The following CCDC148 variants were observed in gnomAD, a reference collection of about 807,000 sequenced individuals.
The protein encoded by CCDC148 is coiled-coil domain-containing protein 148.
A neutral mutation model predicts 85.7 loss-of-function variants in CCDC148; 89 were observed. The ratio of observed to expected loss-of-function variants is 1.04; its 90% CI spans 0.87 to 1.24. The LOEUF (loss-of-function observed/expected upper bound fraction) is 1.24. Among genes scored for constraint, CCDC148 ranks in the 50% most tolerant of loss-of-function variants. CCDC148 has a pLI of 0.00. For missense variants in CCDC148, 692 were observed against 671.7 expected (o/e 1.03, Z -0.33); for synonymous variants, 230 against 213.9 (o/e 1.08, Z -0.66).
At chr2:158,320,208 T>C (rs1692459807) in intron 7 of CCDC148, among the ~76,000 whole-genome samples, 1 of 152,164 alleles carries the variant, frequency 6.6e-6, no homozygotes, top group Non-Finnish European at 1.5e-5. Context: ...AATTGCCACA[T>C]AAAATGTCAT....
chr2:158,253,112 C>T (rs1020186336), intron 9 of CCDC148, among the ~76,000 whole-genome samples: 11 of 151,612 alleles, frequency 7.3e-5, no homozygotes, highest in South Asian at 2.1e-4. Flanking sequence ...TTCTTAAGCG[C>T]GGATGAATTT....
At position 158,281,271 on chromosome 2, in the gene CCDC148, G is replaced by T. The variant is rs7594761; in HGVS notation, c.1110+28162C>A. ...AAGCTAGCAGAAGGCAAGAAATAAC[G>T]AAAATCAGAGCAGAACTGAAGGAAA... On this transcript the variant is annotated intron_variant, in intron 9 of 13. Coordinates refer to ENST00000283233, the MANE Select transcript of CCDC148 (RefSeq NM_138803.4). 5.5e-3 allele frequency among the ~76,000 whole-genome samples: 829 copies of T among 151,908 alleles called. 11 individuals carry two copies. The highest frequency in any genetic ancestry group is 0.019 in the African/African-American group (778 of 41,392).
At chr2:158,392,783 T>A (rs2105298286) in intron 1 of CCDC148, among the ~76,000 whole-genome samples, 1 of 152,272 alleles carries the variant, frequency 6.6e-6, no homozygotes, top group Admixed American at 6.6e-5. Flanking sequence ...ATATTTTAAA[T>A]TATCTGAGTC....
intron 10 of CCDC148, among the ~76,000 whole-genome samples, chr2:158,247,485 C>T (rs1314226674): frequency 6.6e-6 from 1 of 152,100 alleles, no homozygotes; most frequent in African/African-American, 2.4e-5. Flanking sequence ...CCTATACGAA[C>T]AAAACTTTGG....
At chr2:158,409,899 G>C (rs1285925464) in intron 1 of CCDC148, among the ~76,000 whole-genome samples, 1 of 152,156 alleles carries the variant, frequency 6.6e-6, no homozygotes, top group African/African-American at 2.4e-5. Flanking sequence ...TCTTGTGGTA[G>C]TGAATAAGTC....
intron 1 of CCDC148, among the ~76,000 whole-genome samples, chr2:158,423,339 G>A (rs1686900149): frequency 6.6e-6 from 1 of 152,118 alleles, no homozygotes; most frequent in South Asian, 2.1e-4. Context: ...TATACTACAA[G>A]GCTACAGTAA....
At chr2:158,268,033 T>A (rs1392913375) in intron 9 of CCDC148, among the ~76,000 whole-genome samples, 1 of 152,216 alleles carries the variant, frequency 6.6e-6, no homozygotes, top group East Asian at 1.9e-4. Context: ...TTTTTGATGA[T>A]CACAAATTAA....
Position 158,292,587 on chromosome 2 carries a change from C to T in CCDC148, c.1110+16846G>A, listed in dbSNP as rs147422952. On this transcript the variant is annotated intron_variant, in intron 9 of 13. Coordinates refer to ENST00000283233, the MANE Select transcript of CCDC148 (RefSeq NM_138803.4). ...GAAATCAAGACTCGAGTCTTTCTAA[C>T]CAATTATTCCTTCACTCACTGCCTA... Among the ~76,000 whole-genome samples the T allele has an allele frequency of 5.3e-3, 800 of 152,270 alleles. 4 individuals are homozygous for T. Among genetic ancestry groups the T allele is most frequent in the African/African-American group, 0.019 (771 of 41,546 alleles).
intron 1 of CCDC148, among the ~76,000 whole-genome samples, chr2:158,455,913 T>C (rs535739953): frequency 2.4e-4 from 37 of 152,234 alleles, no homozygotes; most frequent in Non-Finnish European, 4.1e-4. Flanking sequence ...TATTTCCATA[T>C]CAAATTTAAA....
intron 1 of CCDC148, among the ~76,000 whole-genome samples, chr2:158,399,599 A>G (rs1051939815): frequency 6.6e-6 from 1 of 152,182 alleles, no homozygotes; most frequent in Non-Finnish European, 1.5e-5. Flanking sequence ...AAAAACTCTC[A>G]ATAAACTAGG....
intron 11 of CCDC148, among the ~76,000 whole-genome samples, chr2:158,187,158 A>G (rs1203820268): frequency 2.0e-5 from 3 of 151,820 alleles, no homozygotes; most frequent in African/African-American, 7.3e-5. Flanking sequence ...CATTTCCTCA[A>G]TATGCTTTGC....
At chr2:158,295,037 T>G (rs1194976742) in intron 9 of CCDC148, among the ~76,000 whole-genome samples, 1 of 152,162 alleles carries the variant, frequency 6.6e-6, no homozygotes, top group Non-Finnish European at 1.5e-5. Flanking sequence ...CTTTTCTTGT[T>G]TTATTTGCCA....
chr2:158,269,906 A>G (rs1027371092), intron 9 of CCDC148, among the ~76,000 whole-genome samples: 3 of 152,224 alleles, frequency 2.0e-5, no homozygotes, highest in African/African-American at 4.8e-5. Context: ...AGAACAAAGT[A>G]GAAAGTATTT....
rs940113528 is a variant in CCDC148, at chr2:158,278,192, G to A, written c.1111-27280C>T. Among the ~76,000 whole-genome samples the A allele has an allele frequency of 8.5e-5, 13 of 152,262 alleles. 2 individuals carry two copies. The highest frequency in any genetic ancestry group is 6.5e-4 in the Admixed American group (10 of 15,296). On this transcript the variant is annotated intron_variant, in intron 9 of 13. Coordinates refer to ENST00000283233, the MANE Select transcript of CCDC148 (RefSeq NM_138803.4). ...AGCTCCAGTCTACAGCTCCCAGTGT[G>A]AGTGACGCAGAAGACGGGTGATTTC...
At chr2:158,188,196 C>T (rs1383090832) in intron 11 of CCDC148, among the ~76,000 whole-genome samples, 1 of 151,914 alleles carries the variant, frequency 6.6e-6, no homozygotes, top group African/African-American at 2.4e-5. Context: ...TATAAGATGG[C>T]TGCAACAATT....
chr2:158,452,848 A>G (rs1339726372), intron 1 of CCDC148, among the ~76,000 whole-genome samples: 1 of 152,224 alleles, frequency 6.6e-6, no homozygotes, highest in Non-Finnish European at 1.5e-5. Flanking sequence ...TTCTGATTTT[A>G]TGAAGTTGTT....
At chr2:158,353,640 AC>A (rs1437951693) in intron 2 of CCDC148, among the ~76,000 whole-genome samples, 1 of 152,058 alleles carries the variant, frequency 6.6e-6, no homozygotes, top group Non-Finnish European at 1.5e-5. Context: ...AGACTTTAAC[AC>A]CCCACTGTCA....
chr2:158,222,707 T>C (rs1478801828), intron 10 of CCDC148, among the ~76,000 whole-genome samples: 1 of 152,184 alleles, frequency 6.6e-6, no homozygotes, highest in African/African-American at 2.4e-5. Flanking sequence ...GCCATTATGA[T>C]ATGTACAATT....
In CCDC148 at chr2:158,340,301, G is replaced by A. The variant is rs1451007694; in HGVS notation, c.427C>T (p.His143Tyr). Residue 143 changes from histidine to tyrosine, a missense_variant, in exon 5 of 14, where the codon CAC (histidine) becomes TAC (tyrosine). Coordinates refer to ENST00000283233, the MANE Select transcript of CCDC148 (RefSeq NM_138803.4). ...TGTGGGTGTGAATGCTGCAAAGTGT[G>A]ATGCTGTCTGTATTTTAGATCTGCT... is the stretch of plus-strand genomic sequence containing the variant. Reference protein sequence around the residue: ...LRADLKYRQHHTLQHSHPHIE... With the variant: ...LRADLKYRQHYTLQHSHPHIE... 1.2e-6 allele frequency: 2 copies of A among 1,613,810 alleles called. No homozygotes were observed. Among genetic ancestry groups the A allele is most frequent in the African/African-American group, 2.7e-5 (2 of 74,914 alleles).
Sources: gnomAD v4.1 joint callset for allele counts (sites outside exome capture counted in the v4.1 genomes callset) on GRCh38, gnomAD v4.1.1 for gene constraint, MANE v1.5 for transcripts, NCBI Gene and HGNC (gene_info 2026-07-23, HGNC 2026-07-21) for gene names.